Variants in EPB41L2 observed in about 807,000 individuals in gnomAD.
The protein encoded by EPB41L2 is erythrocyte membrane protein band 4.1 like 2.
EPB41L2 carries 43 observed loss-of-function variants against 113.0 expected under a neutral mutation model. The observed-to-expected ratio is 0.38, with a 90% CI of 0.30 to 0.49. EPB41L2 has a LOEUF of 0.49. Among genes scored for constraint, EPB41L2 ranks in the 20% least tolerant of loss-of-function variants. The pLI, the probability that EPB41L2 is intolerant of heterozygous loss-of-function variation, is 0.95. For synonymous variants in EPB41L2, 442 were observed against 436.7 expected, an observed-to-expected ratio of 1.01 and a Z score of -0.15; for missense variants, 1,147 against 1,223.4, an observed-to-expected ratio of 0.94 and a Z score of 0.93.
intron 5 of EPB41L2, among the ~76,000 whole-genome samples, chr6:130,904,899 G>A (rs376080830): frequency 7.0e-6 from 1 of 143,262 alleles, no homozygotes; most frequent in African/African-American, 2.6e-5. Context: ...ATCTCCTGTT[G>A]CCAAATATTC....
At chr6:130,902,954 A>C (rs2037733206) in intron 6 of EPB41L2, among the ~76,000 whole-genome samples, 2 of 152,186 alleles carry the variant, frequency 1.3e-5, no homozygotes, top group African/African-American at 4.8e-5. Flanking sequence ...GTCATGGTGA[A>C]GATTTCGATC....
At chr6:130,855,889 C>T (rs1299772294) in intron 19 of EPB41L2, among the ~76,000 whole-genome samples, 1 of 151,330 alleles carries the variant, frequency 6.6e-6, no homozygotes, top group African/African-American at 2.4e-5. Context: ...GGAGGGGGTG[C>T]AGGGGGATAG....
At chr6:130,885,043 C>A in intron 12 of EPB41L2, 53 bp downstream of exon 12, 1 of 1,576,528 alleles carries the variant, frequency 6.3e-7, no homozygotes, top group Non-Finnish European at 8.7e-7. Flanking sequence ...ACAACAGATA[C>A]CCTCTAGGTT....
chr6:130,878,301 C>G, intron 13 of EPB41L2, 51 bp from the exon 14 acceptor site: 1 of 1,543,590 alleles, frequency 6.5e-7, no homozygotes, highest in Non-Finnish European at 8.7e-7. Context: ...AGGAAAAAAC[C>G]CAGTAGGACA....
In EPB41L2 at chr6:131,030,201, T is replaced by C. The variant is rs965673639; in HGVS notation, c.-15+32954A>G. On this transcript the variant is annotated intron_variant, in intron 1 of 19. Coordinates refer to ENST00000337057, the MANE Select transcript of EPB41L2 (RefSeq NM_001431.4). ...GTGACTGCAGGGCCTGATCCCTTCC[T>C]TGACCAATGGATAGAGGAACCTCTC... Among the ~76,000 whole-genome samples, 6 of 152,198 alleles carry C rather than the reference T, an allele frequency of 3.9e-5. No homozygotes were observed. In the East Asian group the frequency reaches 5.8e-4, roughly 15 times the overall value.
At chr6:131,027,114 T>A (rs1227471685) in intron 1 of EPB41L2, among the ~76,000 whole-genome samples, 1 of 152,210 alleles carries the variant, frequency 6.6e-6, no homozygotes, top group African/African-American at 2.4e-5. Flanking sequence ...GCAGGCAAAA[T>A]ACATTGGAAA....
At chr6:131,028,723 G>A (rs146046317) in intron 1 of EPB41L2, among the ~76,000 whole-genome samples, 76 of 152,206 alleles carry the variant, frequency 5.0e-4, no homozygotes, top group African/African-American at 1.8e-3. Flanking sequence ...ATTCTTCAGG[G>A]TACATTACCT....
chr6:130,878,519 A>G, intron 13 of EPB41L2: 1 of 326,610 alleles, frequency 3.1e-6, no homozygotes, highest in South Asian at 4.4e-5. Flanking sequence ...TAGGATTTTT[A>G]AAGGAATAAT....
intron 1 of EPB41L2, among the ~76,000 whole-genome samples, chr6:130,981,606 C>A (rs1243715270): frequency 6.6e-6 from 1 of 152,100 alleles, no homozygotes; most frequent in Non-Finnish European, 1.5e-5. Flanking sequence ...TGGAACAAAA[C>A]CAAAAAGGCA....
intron 1 of EPB41L2, among the ~76,000 whole-genome samples, chr6:130,976,458 T>C (rs1778229767): frequency 6.6e-6 from 1 of 152,166 alleles, no homozygotes; most frequent in Admixed American, 6.5e-5. Context: ...TTAAAAACAA[T>C]TACATTTTTA....
chr6:130,840,855 T>C (rs1775240490), intron 19 of EPB41L2, among the ~76,000 whole-genome samples: 2 of 152,136 alleles, frequency 1.3e-5, no homozygotes. Context: ...TGCAAAAGAA[T>C]TTATTAGCAT....
chr6:130,865,743 C>T (rs1003778464), intron 16 of EPB41L2, 109 bp from the exon 17 acceptor site: 11 of 1,157,638 alleles, frequency 9.5e-6, no homozygotes, highest in Admixed American at 4.1e-5. Context: ...ATGTGGTTTG[C>T]GTGTTTGCAG....
At chr6:131,011,044 C>T (rs1432443138) in intron 1 of EPB41L2, among the ~76,000 whole-genome samples, 1 of 152,212 alleles carries the variant, frequency 6.6e-6, no homozygotes, top group African/African-American at 2.4e-5. Flanking sequence ...GTTAAGACTG[C>T]TAAGATGTTT....
intron 1 of EPB41L2, among the ~76,000 whole-genome samples, chr6:131,009,053 G>A (rs1295043733): frequency 1.3e-5 from 2 of 152,244 alleles, no homozygotes; most frequent in East Asian, 3.9e-4. Flanking sequence ...TATGAGATTT[G>A]GGAGGGACCA....
chr6:130,891,483 C>G lies in EPB41L2; in HGVS notation c.1488-1017G>C, dbSNP rs974762022. Among the ~76,000 whole-genome samples the G allele has an allele frequency of 5.3e-5, 8 of 151,526 alleles. No individual in the cohort carries two copies. In the East Asian group the frequency reaches 1.2e-3, roughly 22 times the overall value. On this transcript the variant is annotated intron_variant, in intron 10 of 19. Coordinates refer to ENST00000337057, the MANE Select transcript of EPB41L2 (RefSeq NM_001431.4). ...TAATTTTTTGAGAAGGAGTCTCGCTCTGTCACCCAGGCTAGAGTGCAGTGT... is the reference window on the plus strand; with the variant it reads ...TAATTTTTTGAGAAGGAGTCTCGCTGTGTCACCCAGGCTAGAGTGCAGTGT...
At chr6:130,858,045 T>C (rs1582731970) in intron 19 of EPB41L2, 86 bp downstream of exon 19, 10 of 1,039,702 alleles carry the variant, frequency 9.6e-6, no homozygotes, top group African/African-American at 4.7e-5. Context: ...AAGACACTGA[T>C]ATGAACTTTC....
At chr6:130,898,314 G>A (rs1037917454) in intron 8 of EPB41L2, among the ~76,000 whole-genome samples, 5 of 152,116 alleles carry the variant, frequency 3.3e-5, no homozygotes, top group South Asian at 4.1e-4. Flanking sequence ...ACAAATGCAA[G>A]AATTATTAAT....
intron 1 of EPB41L2, among the ~76,000 whole-genome samples, chr6:130,989,615 GT>G (rs1486506806): frequency 2.0e-5 from 3 of 152,204 alleles, no homozygotes; most frequent in African/African-American, 7.2e-5. Flanking sequence ...TTTTTCTTAA[GT>G]TTTGCTGTTA....
chr6:131,006,505 C>G (rs1446581921), intron 1 of EPB41L2, among the ~76,000 whole-genome samples: 1 of 151,428 alleles, frequency 6.6e-6, no homozygotes, highest in East Asian at 2.0e-4. Flanking sequence ...CTACTAAAAA[C>G]AAACAAACAA....
Sources: gnomAD v4.1 joint callset for allele counts (sites outside exome capture counted in the v4.1 genomes callset) on GRCh38, gnomAD v4.1.1 for gene constraint, MANE v1.5 for transcripts, NCBI Gene and HGNC (gene_info 2026-07-23, HGNC 2026-07-21) for gene names.